The following KIF6 variants were observed in gnomAD, a reference collection of about 807,000 sequenced individuals.
The protein encoded by KIF6 is kinesin-like protein KIF6.
KIF6 carries 106 observed loss-of-function variants against 112.7 expected under a neutral mutation model. That is an observed-to-expected ratio of 0.94 (90% confidence interval 0.80 to 1.11). The LOEUF (loss-of-function observed/expected upper bound fraction) is 1.11. KIF6 is among the 50% of genes least tolerant of loss of function. The pLI is 0.00. For synonymous variants in KIF6, 339 were observed against 339.9 expected, an observed-to-expected ratio of 1.00 and a Z score of 0.03; for missense variants, 929 against 964.0, an observed-to-expected ratio of 0.96 and a Z score of 0.48.
chr6:39,473,021 G>T (rs1400667516), intron 13 of KIF6, among the ~76,000 whole-genome samples: 2 of 152,082 alleles, frequency 1.3e-5, no homozygotes, highest in East Asian at 3.9e-4. Flanking sequence ...CAAGTAGTTG[G>T]GATTACAGGC....
chr6:39,587,935 C>G (rs1781724606), intron 7 of KIF6, among the ~76,000 whole-genome samples: 1 of 152,258 alleles, frequency 6.6e-6, no homozygotes, highest in Admixed American at 6.5e-5. Flanking sequence ...ACCAAGAGCA[C>G]TGATTGCCAT....
At chr6:39,500,805 G>C (rs973392551) in intron 13 of KIF6, among the ~76,000 whole-genome samples, 4 of 152,096 alleles carry the variant, frequency 2.6e-5, no homozygotes, top group African/African-American at 9.7e-5. Flanking sequence ...GAAGTAGAGA[G>C]GTGGAAGCTC....
chr6:39,655,015 A>G lies in KIF6; in HGVS notation c.252-15258T>C, dbSNP rs569045896. On this transcript the variant is annotated intron_variant, in intron 3 of 22. Transcript: ENST00000287152. ...TATAGTAGGTATACATTCAGTTTTG[A>G]TAGATACTGACAATGATGTCCTCTA... 3.3e-5 allele frequency among the ~76,000 whole-genome samples: 5 copies of G among 152,308 alleles called. No individual in the cohort carries two copies. In the East Asian group the frequency reaches 7.7e-4, roughly 23 times the overall value.
rs9462547 is a variant in KIF6 at position 39,437,892 on chromosome 6, A to G, written c.1646-6731T>C. On this transcript the variant is annotated intron_variant, in intron 13 of 22. Coordinates refer to ENST00000287152, the MANE Select transcript of KIF6 (RefSeq NM_145027.6). ...TGCCAGTTGTATAAAAATATTGCGT[A>G]TATAATTATATACGGTACATAATAC... Among the ~76,000 whole-genome samples, 143 of 152,332 alleles carry G rather than the reference A, an allele frequency of 9.4e-4. 1 individual carries two copies. The highest frequency in any genetic ancestry group is 3.2e-3 in the African/African-American group (133 of 41,572).
At chr6:39,467,263 C>T (rs1378000076) in intron 13 of KIF6, among the ~76,000 whole-genome samples, 4 of 152,088 alleles carry the variant, frequency 2.6e-5, no homozygotes, top group East Asian at 1.9e-4. Context: ...ACAGAGAGAA[C>T]CAGGGAAAAG....
At chr6:39,503,627 GA>G (rs376773771) in intron 13 of KIF6, among the ~76,000 whole-genome samples, 11 of 151,942 alleles carry the variant, frequency 7.2e-5, no homozygotes, top group African/African-American at 2.7e-4. Context: ...AACATAATCA[GA>G]AATGATAAGG....
intron 13 of KIF6, among the ~76,000 whole-genome samples, chr6:39,460,259 T>C (rs1773376088): frequency 8.5e-6 from 1 of 117,000 alleles, no homozygotes; most frequent in Non-Finnish European, 1.7e-5. Flanking sequence ...TCATTCTCAG[T>C]AAACTATCGC....
chr6:39,648,653 G>A (rs11751274), intron 3 of KIF6, among the ~76,000 whole-genome samples: 2,987 of 152,246 alleles, frequency 0.02, 53 homozygotes, highest in Non-Finnish European at 0.029. Context: ...AGGATCAACT[G>A]CTTCCTAAAG....
chr6:39,438,337 A>G (rs1771688465), intron 13 of KIF6, among the ~76,000 whole-genome samples: 1 of 152,154 alleles, frequency 6.6e-6, no homozygotes, highest in Non-Finnish European at 1.5e-5. Flanking sequence ...AACTGTAAAA[A>G]AGCCTTGGGC....
intron 13 of KIF6, among the ~76,000 whole-genome samples, chr6:39,450,571 G>A (rs934047808): frequency 2.6e-5 from 4 of 152,188 alleles, no homozygotes; most frequent in Admixed American, 6.5e-5. Flanking sequence ...TTGGGAGGCT[G>A]AGGTGGGCAG....
rs1384269662 is a variant in KIF6, at chr6:39,639,662, T to C, written c.347A>G (p.Asp116Gly). 2 of 1,609,656 alleles carry C rather than the reference T, an allele frequency of 1.2e-6. No homozygotes were observed. Among genetic ancestry groups the C allele is most frequent in the African/African-American group, 1.3e-5 (1 of 74,684 alleles). Reference sequence around the variant, plus strand: ...CAGTGTCCTTGGGATAATGCCTCTGTCACTGTAACGCTCTGCACCCCCTGT... The same window carrying C: ...CAGTGTCCTTGGGATAATGCCTCTGCCACTGTAACGCTCTGCACCCCCTGT... ...TITGGAERYS[D>G]RGIIPRTLSY... The change falls in exon 4 of 23, where the codon GAC becomes GGC. Residue 116 changes from aspartate (D) to glycine (G), a missense_variant. Physicochemically the swap from Asp to Gly is moderately conservative, Grantham distance 94. Around this residue, in one of 2 missense-constraint regions of KIF6, gnomAD observed 688 missense variants for 662.7 expected, o/e 1.04. Transcript: ENST00000287152.
chr6:39,706,735 CA>C (rs1789233932), intron 3 of KIF6, among the ~76,000 whole-genome samples: 1 of 152,104 alleles, frequency 6.6e-6, no homozygotes. Context: ...AGGGAACAGG[CA>C]ATGAGTTTTT....
intron 3 of KIF6, among the ~76,000 whole-genome samples, chr6:39,676,239 C>A (rs1229845653): frequency 1.3e-5 from 2 of 151,972 alleles, no homozygotes; most frequent in East Asian, 3.9e-4. Flanking sequence ...TTAAAAAATG[C>A]AAGAAAAGAC....
chr6:39,386,314 A>T (rs1454124008), intron 15 of KIF6, among the ~76,000 whole-genome samples: 1 of 152,208 alleles, frequency 6.6e-6, no homozygotes, highest in African/African-American at 2.4e-5. Context: ...AATAGAAAAT[A>T]TTCAGAAGAT....
intron 16 of KIF6, among the ~76,000 whole-genome samples, chr6:39,365,656 C>T (rs1290203489): frequency 6.6e-6 from 1 of 152,208 alleles, no homozygotes; most frequent in Non-Finnish European, 1.5e-5. Context: ...GAAATGGGCC[C>T]AGGTATCTTC....
chr6:39,367,232 A>T (rs1765626835), intron 16 of KIF6, among the ~76,000 whole-genome samples: 1 of 152,176 alleles, frequency 6.6e-6, no homozygotes, highest in Non-Finnish European at 1.5e-5. Context: ...CTCAAAGGGA[A>T]CCAAATAAAA....
At chr6:39,443,757 T>C (rs1304731050) in intron 13 of KIF6, among the ~76,000 whole-genome samples, 2 of 152,052 alleles carry the variant, frequency 1.3e-5, no homozygotes, top group African/African-American at 2.4e-5. Flanking sequence ...TTTCATACAT[T>C]TTAAAAAGAG....
intron 13 of KIF6, among the ~76,000 whole-genome samples, chr6:39,520,688 A>G (rs920366144): frequency 2.6e-5 from 4 of 152,204 alleles, no homozygotes; most frequent in Non-Finnish European, 4.4e-5. Context: ...GTTAAAAGAC[A>G]GTGTAACAGG....
chr6:39,499,560 G>A (rs148207457), intron 13 of KIF6, among the ~76,000 whole-genome samples: 2 of 152,194 alleles, frequency 1.3e-5, no homozygotes, highest in East Asian at 3.9e-4. Context: ...CTTAACCCCT[G>A]CATACAACTC....
Sources: allele counts gnomAD v4.1 joint callset (sites outside exome capture counted in the v4.1 genomes callset), GRCh38; gene constraint gnomAD v4.1.1; regional missense constraint gnomAD v4.1.1; transcripts MANE v1.5; gene names NCBI Gene and HGNC (gene_info 2026-07-23, HGNC 2026-07-21).